The following TIMD4 variants were observed in gnomAD, a reference collection of about 807,000 sequenced individuals.
The protein encoded by TIMD4 is T cell immunoglobulin and mucin domain containing 4.
In TIMD4, 31 loss-of-function variants were observed where a neutral mutation model predicts 41.2. The observed-to-expected ratio is 0.75, with a 90% CI of 0.57 to 1.01. TIMD4 has a LOEUF of 1.01. Among genes scored for constraint, TIMD4 ranks in the 50% least tolerant of loss-of-function variants. The probability of loss-of-function intolerance (pLI) is 0.00; values close to 1 mark genes in which losing one functional copy is unlikely to be tolerated. For missense variants in TIMD4, 479 were observed against 472.5 expected (o/e 1.01, Z -0.13); for synonymous variants, 204 against 177.1 (o/e 1.15, Z -1.21).
chr5:156,950,060 C>T (rs890350363), intron 3 of TIMD4, among the ~76,000 whole-genome samples: 4 of 152,264 alleles, frequency 2.6e-5, no homozygotes, highest in Admixed American at 1.3e-4. Flanking sequence ...TTAAGTGATC[C>T]ACCTGCTTTG....
At chr5:156,936,749 T>A (rs1759546143) in intron 5 of TIMD4, among the ~76,000 whole-genome samples, 1 of 150,140 alleles carries the variant, frequency 6.7e-6, no homozygotes, top group African/African-American at 2.5e-5. Flanking sequence ...AAACCCCGTC[T>A]CTACAAAAGT....
chr5:156,943,931 G>A (rs1759690862), intron 5 of TIMD4, among the ~76,000 whole-genome samples: 1 of 151,640 alleles, frequency 6.6e-6, no homozygotes, highest in Admixed American at 6.6e-5. Context: ...GTGGTGGTGG[G>A]TGCCTGTAGT....
intron 1 of TIMD4, among the ~76,000 whole-genome samples, chr5:156,955,265 T>C (rs1368199553): frequency 6.6e-6 from 1 of 152,302 alleles, no homozygotes; most frequent in East Asian, 1.9e-4. Context: ...ACCAATAAAC[T>C]CTTACATGAA....
chr5:156,946,708 A>T (rs1465075016), intron 5 of TIMD4, among the ~76,000 whole-genome samples: 1 of 149,402 alleles, frequency 6.7e-6, no homozygotes, highest in African/African-American at 2.5e-5. Context: ...GATGGTCTTG[A>T]TCTCCTGACC....
At chr5:156,950,162 C>G (rs1463481546) in intron 3 of TIMD4, among the ~76,000 whole-genome samples, 1 of 152,022 alleles carries the variant, frequency 6.6e-6, no homozygotes, top group Non-Finnish European at 1.5e-5. Flanking sequence ...GACAGAGTCT[C>G]ACTATGTTGT....
At chr5:156,922,906 GAGTT>G (rs766856467) in intron 6 of TIMD4, among the ~76,000 whole-genome samples, 162 of 152,184 alleles carry the variant, frequency 1.1e-3, no homozygotes, top group African/African-American at 2.3e-3. Context: ...TTTCAAAATA[GAGTT>G]AGTTAGTTGC....
intron 5 of TIMD4, among the ~76,000 whole-genome samples, chr5:156,934,494 G>T (rs1260824528): frequency 6.6e-6 from 1 of 152,086 alleles, no homozygotes; most frequent in African/African-American, 2.4e-5. Context: ...GTTTTGCTAT[G>T]TTGACCAGGC....
intron 5 of TIMD4, among the ~76,000 whole-genome samples, chr5:156,936,196 A>T (rs1010068008): frequency 6.6e-6 from 1 of 152,160 alleles, no homozygotes; most frequent in South Asian, 2.1e-4. Flanking sequence ...CCATGATCAC[A>T]CCACTGCACT....
At chr5:156,922,806 T>C (rs1028808338) in intron 6 of TIMD4, among the ~76,000 whole-genome samples, 1 of 152,212 alleles carries the variant, frequency 6.6e-6, no homozygotes, top group Non-Finnish European at 1.5e-5. Flanking sequence ...CTGTCTCCTA[T>C]TAAGCCAGAT....
intron 5 of TIMD4, among the ~76,000 whole-genome samples, chr5:156,942,445 AC>A (rs1759666541): frequency 1.3e-5 from 2 of 152,146 alleles, no homozygotes; most frequent in African/African-American, 4.8e-5. Flanking sequence ...CCAGCATTCT[AC>A]AGACAAGACT....
At chr5:156,948,324 CAAAA>C in intron 5 of TIMD4, 88 bp downstream of exon 5, 17 of 479,720 alleles carry the variant, frequency 3.5e-5, no homozygotes, top group South Asian at 9.9e-5. Context: ...CTCATCTCTA[CAAAA>C]AAAAAAAAAA....
chr5:156,956,571 C>A (rs1360870288), intron 1 of TIMD4, among the ~76,000 whole-genome samples: 2 of 152,196 alleles, frequency 1.3e-5, no homozygotes, highest in Non-Finnish European at 1.5e-5. Flanking sequence ...AGTTGACTAC[C>A]CATCCAGTGT....
chr5:156,931,369 C>A (rs988834556), intron 5 of TIMD4, among the ~76,000 whole-genome samples: 9 of 152,218 alleles, frequency 5.9e-5, no homozygotes, highest in African/African-American at 1.9e-4. Flanking sequence ...TGTTCTGGGA[C>A]AGGCACAAGA....
chr5:156,942,394 C>T (rs1188732804), intron 5 of TIMD4, among the ~76,000 whole-genome samples: 1 of 152,186 alleles, frequency 6.6e-6, no homozygotes, highest in Non-Finnish European at 1.5e-5. Flanking sequence ...TCTCAATTCC[C>T]TGGCCTTCTC....
chr5:156,956,410 CATGA>C (rs971793296), intron 1 of TIMD4, among the ~76,000 whole-genome samples: 12 of 152,166 alleles, frequency 7.9e-5, no homozygotes, highest in African/African-American at 2.7e-4. Flanking sequence ...TAAAATGAAG[CATGA>C]GTGTGTTTTA....
intron 1 of TIMD4, among the ~76,000 whole-genome samples, chr5:156,962,652 G>A (rs983573874): frequency 3.3e-5 from 5 of 152,120 alleles, no homozygotes; most frequent in African/African-American, 4.8e-5. Flanking sequence ...CCAAAACTGA[G>A]TGTGTACACT....
chr5:156,924,156 G>C, intron 6 of TIMD4: 2 of 420,144 alleles, frequency 4.8e-6, no homozygotes, highest in South Asian at 3.9e-5. Flanking sequence ...GGGCTGACCA[G>C]CCTGAGCCTA....
chr5:156,921,489 G>A (rs990826604), intron 7 of TIMD4, among the ~76,000 whole-genome samples: 2 of 151,700 alleles, frequency 1.3e-5, no homozygotes, highest in East Asian at 3.9e-4. Flanking sequence ...GTGTGATGGC[G>A]TGAACCTGTA....
At chr5:156,934,609 G>A (rs1321695245) in intron 5 of TIMD4, among the ~76,000 whole-genome samples, 11 of 151,988 alleles carry the variant, frequency 7.2e-5, no homozygotes, top group African/African-American at 2.7e-4. Flanking sequence ...CACATTTAAT[G>A]TTCATAAACC....
Sources: allele counts gnomAD v4.1 joint callset (sites outside exome capture counted in the v4.1 genomes callset), GRCh38; gene constraint gnomAD v4.1.1; transcripts MANE v1.5; gene names NCBI Gene and HGNC (gene_info 2026-07-23, HGNC 2026-07-21).